KCTD1: variants seen among roughly 807,000 people sequenced by gnomAD.
KCTD1 encodes potassium channel tetramerization domain containing 1.
KCTD1 carries 24 observed loss-of-function variants against 66.0 expected under a neutral mutation model. The ratio of observed to expected loss-of-function variants is 0.36; its 90% CI spans 0.26 to 0.51. The LOEUF is 0.51. Among genes scored for constraint, KCTD1 ranks in the 20% least tolerant of loss-of-function variants. The pLI, the probability that KCTD1 is intolerant of heterozygous loss-of-function variation, is 0.95. For missense variants in KCTD1, 943 were observed against 1,205.2 expected, an observed-to-expected ratio of 0.78 and a Z score of 3.22; for synonymous variants, 511 against 517.2, an observed-to-expected ratio of 0.99 and a Z score of 0.16.
At position 26,455,914 on chromosome 18, in the gene KCTD1, A is replaced by G; in HGVS notation, c.2440-13T>C. ...ACCTCTCGAGGACCTGCGAGGGAAC[A>G]AGACAAGCATCCAGTTAGGGGTGAG... On this transcript the variant is annotated splice_polypyrimidine_tract_variant and intron_variant, in intron 4 of 4. Transcript: ENST00000580059. The G allele has an allele frequency of 6.2e-7, 1 of 1,610,982 alleles. No homozygotes were observed. Among genetic ancestry groups the G allele is most frequent in the South Asian group, 1.1e-5 (1 of 90,978 alleles).
At chr18:26,487,241 A>G (rs942877833) in intron 2 of KCTD1, among the ~76,000 whole-genome samples, 24 of 152,250 alleles carry the variant, frequency 1.6e-4, no homozygotes, top group African/African-American at 5.3e-4. Context: ...TTAAAAACAC[A>G]TTCAGAACCT....
At chr18:26,635,035 A>T (rs1987694885) in intron 1 of KCTD1, among the ~76,000 whole-genome samples, 2 of 152,202 alleles carry the variant, frequency 1.3e-5, no homozygotes, top group African/African-American at 4.8e-5. Flanking sequence ...AAAACATCAA[A>T]AATTTTAATG....
rs1567988850 is a variant in KCTD1 at position 26,547,325 on chromosome 18, C to T, written c.1212G>A (p.Ala404=). ...YLSKRNPLCK[A]FFQRPRDHCS... is the part of the protein sequence containing the mutation. ...AGTGGTCCCGGGGCCGCTGGAAGAA[C>T]GCCTTGCAGAGAGGGTTGCGTTTCG... is the stretch of plus-strand genomic sequence containing the variant. Residue 404 remains alanine (A), a synonymous_variant, in exon 1 of 5, where the codon GCG becomes GCA. Transcript: ENST00000580059. 1 of 1,551,576 alleles carries T rather than the reference C, an allele frequency of 6.4e-7. No homozygotes were observed. Among genetic ancestry groups the T allele is most frequent in the South Asian group, 1.2e-5 (1 of 84,056 alleles).
intron 1 of KCTD1, among the ~76,000 whole-genome samples, chr18:26,517,727 C>T (rs73401412): frequency 0.24 from 36,654 of 151,158 alleles, 5,429 homozygotes; most frequent in African/African-American, 0.43. Context: ...TCTGCCGCCA[C>T]GTGAGACGTG....
chr18:26,524,651 A>G (rs1293331992), intron 1 of KCTD1, among the ~76,000 whole-genome samples: 1 of 152,094 alleles, frequency 6.6e-6, no homozygotes, highest in Non-Finnish European at 1.5e-5. Flanking sequence ...CAAAACCCAT[A>G]TGTGGTATGT....
At chr18:26,531,662 G>A (rs548302539) in intron 1 of KCTD1, among the ~76,000 whole-genome samples, 43 of 152,254 alleles carry the variant, frequency 2.8e-4, no homozygotes, top group African/African-American at 1.0e-3. Flanking sequence ...TAGAATCATA[G>A]GTTCTTAGGG....
chr18:26,561,184 G>C lies in KCTD1; in HGVS notation c.-15-59934C>G, dbSNP rs1012307541. On this transcript the variant is annotated intron_variant, in intron 1 of 4. Transcript: ENST00000317932. The stretch of plus-strand genomic sequence containing the variant: ...CCATTTGCTGAAAAAAAAAAACTCT[G>C]ACCTAAAATGATACATACATATTTT... 3.3e-5 allele frequency among the ~76,000 whole-genome samples: 5 copies of C among 151,412 alleles called. No homozygotes were observed. In the East Asian group the frequency reaches 9.7e-4, roughly 29 times the overall value.
intron 1 of KCTD1, among the ~76,000 whole-genome samples, chr18:26,527,587 T>A (rs536655056): frequency 1.1e-3 from 168 of 152,114 alleles, no homozygotes; most frequent in African/African-American, 3.8e-3. Flanking sequence ...CAGAGACATG[T>A]CACTATACGT....
Position 26,548,420 on chromosome 18 carries a change from CCCCGCGCCGCGCTCG to C in KCTD1, c.102_116del (p.Glu35_Gly39del). 7.0e-7 allele frequency: 1 copy of C among 1,425,744 alleles called. No homozygotes were observed. Among genetic ancestry groups the C allele is most frequent in the Non-Finnish European group, 9.2e-7 (1 of 1,087,786 alleles). 88.3% of individuals were successfully genotyped at this position (1,425,744 alleles called of 1,614,324 possible). ...GACGGCTGTGGCGGCGGCCGCGGCC[CCCCGCGCCGCGCTCG>C]CCCTCGCCCCGCTCCCCATTGTTCT... On this transcript the variant is annotated inframe_deletion, in exon 1 of 5. Coordinates refer to ENST00000580059, the MANE Select transcript of KCTD1 (RefSeq NM_001142730.3).
intron 1 of KCTD1, among the ~76,000 whole-genome samples, chr18:26,595,200 C>T (rs989435667): frequency 2.0e-5 from 3 of 152,176 alleles, no homozygotes; most frequent in Admixed American, 6.5e-5. Flanking sequence ...GGGGCTTCCT[C>T]ACTACCCCCT....
intron 1 of KCTD1, among the ~76,000 whole-genome samples, chr18:26,617,028 C>A (rs1987270906): frequency 6.6e-6 from 1 of 152,120 alleles, no homozygotes; most frequent in Admixed American, 6.5e-5. Flanking sequence ...CAAATAAACA[C>A]AGAACTTTGC....
intron 1 of KCTD1, among the ~76,000 whole-genome samples, chr18:26,652,222 T>C (rs147089425): frequency 1.2e-3 from 183 of 152,320 alleles, no homozygotes; most frequent in Non-Finnish European, 1.6e-3. Context: ...AACAATCCTG[T>C]AAGGCAGGTT....
intron 4 of KCTD1, chr18:26,457,541 T>TAACA (rs1474939654): frequency 6.6e-6 from 1 of 152,206 alleles, no homozygotes; most frequent in East Asian, 1.9e-4. Context: ...CACTAAATGC[T>TAACA]AACAGGAGGA....
At chr18:26,574,914 A>G (rs1275486501) in intron 1 of KCTD1, among the ~76,000 whole-genome samples, 1 of 152,180 alleles carries the variant, frequency 6.6e-6, no homozygotes, top group Admixed American at 6.5e-5. Flanking sequence ...TTATAGTGAT[A>G]TCTTTGCTGT....
intron 1 of KCTD1, among the ~76,000 whole-genome samples, chr18:26,515,509 C>CT (rs11389627): frequency 0.49 from 64,620 of 133,032 alleles, 16,741 homozygotes; most frequent in East Asian, 0.77. Context: ...CCTCTTTTTT[C>CT]TTTTTTTTTT....
At chr18:26,479,533 G>C (rs911217665) in intron 2 of KCTD1, among the ~76,000 whole-genome samples, 7 of 152,258 alleles carry the variant, frequency 4.6e-5, no homozygotes, top group African/African-American at 1.4e-4. Context: ...AAGCAGAGCA[G>C]GCAAGGGGTG....
intron 1 of KCTD1, among the ~76,000 whole-genome samples, chr18:26,579,366 G>C (rs766490534): frequency 1.3e-5 from 2 of 152,180 alleles, no homozygotes; most frequent in East Asian, 3.9e-4. Context: ...TTTGGTGATT[G>C]GTTAATTGCT....
intron 1 of KCTD1, among the ~76,000 whole-genome samples, chr18:26,514,322 G>A (rs1477180708): frequency 6.6e-6 from 1 of 152,146 alleles, no homozygotes; most frequent in Non-Finnish European, 1.5e-5. Context: ...GGAGGCTGAA[G>A]TAGGAGGGCT....
chr18:26,576,100 C>A (rs1379391011), intron 1 of KCTD1, among the ~76,000 whole-genome samples: 1 of 152,216 alleles, frequency 6.6e-6, no homozygotes, highest in African/African-American at 2.4e-5. Context: ...ACTGCTCCAT[C>A]CGCTTCAGTA....
Sources: gnomAD v4.1 joint callset for allele counts (sites outside exome capture counted in the v4.1 genomes callset) on GRCh38, gnomAD v4.1.1 for gene constraint, MANE v1.5 for transcripts, NCBI Gene and HGNC (gene_info 2026-07-23, HGNC 2026-07-21) for gene names.